The following LMBR1 variants were observed in gnomAD, a reference collection of about 807,000 sequenced individuals.
LMBR1 encodes the protein limb region 1 protein homolog.
A neutral mutation model predicts 73.9 loss-of-function variants in LMBR1; 52 were observed. The observed-to-expected ratio is 0.70, with a 90% CI of 0.56 to 0.89. The LOEUF is 0.89. LMBR1 is among the 40% of genes least tolerant of loss of function. The pLI is 0.00. For synonymous variants in LMBR1, 215 were observed against 209.4 expected, an observed-to-expected ratio of 1.03 and a Z score of -0.23; for missense variants, 539 against 579.8, an observed-to-expected ratio of 0.93 and a Z score of 0.72.
intron 5 of LMBR1, among the ~76,000 whole-genome samples, chr7:156,787,480 C>T (rs2133268635): frequency 6.6e-6 from 1 of 151,634 alleles, no homozygotes; most frequent in South Asian, 2.1e-4. Context: ...GTAAAAAAAA[C>T]TCATGAGGTG....
At chr7:156,744,012 G>C (rs752332061) in intron 9 of LMBR1, among the ~76,000 whole-genome samples, 6 of 152,174 alleles carry the variant, frequency 3.9e-5, no homozygotes, top group Non-Finnish European at 7.3e-5. Flanking sequence ...TCAATATACA[G>C]ATATAAAACG....
chr7:156,699,854 A>G (rs1809234019), intron 15 of LMBR1, among the ~76,000 whole-genome samples: 1 of 152,200 alleles, frequency 6.6e-6, no homozygotes, highest in Non-Finnish European at 1.5e-5. Flanking sequence ...ACAATGAGAC[A>G]CCATCTCACA....
At chr7:156,697,822 G>C (rs986027630) in intron 15 of LMBR1, among the ~76,000 whole-genome samples, 2 of 152,180 alleles carry the variant, frequency 1.3e-5, no homozygotes, top group African/African-American at 2.4e-5. Context: ...TATCACAGTG[G>C]TCCTGAGGTG....
chr7:156,724,300 A>G, intron 14 of LMBR1, 122 bp from the exon 15 acceptor site: 1 of 668,454 alleles, frequency 1.5e-6, no homozygotes, highest in Non-Finnish European at 2.6e-6. Flanking sequence ...CGATTTCTTA[A>G]TGATACTATT....
intron 15 of LMBR1, among the ~76,000 whole-genome samples, chr7:156,689,220 A>G (rs1806629998): frequency 6.6e-6 from 1 of 152,218 alleles, no homozygotes; most frequent in Non-Finnish European, 1.5e-5. Context: ...GTCGGTCAAG[A>G]GACAGATAAT....
At chr7:156,784,237 T>G (rs1381634346) in intron 5 of LMBR1, among the ~76,000 whole-genome samples, 1 of 152,210 alleles carries the variant, frequency 6.6e-6, no homozygotes, top group African/African-American at 2.4e-5. Flanking sequence ...TCTCACGGTG[T>G]TGGCTTTTCT....
intron 5 of LMBR1, among the ~76,000 whole-genome samples, chr7:156,782,595 A>G (rs1008001990): frequency 1.4e-4 from 22 of 152,076 alleles, no homozygotes; most frequent in Non-Finnish European, 3.2e-4. Context: ...TCCAGGCTGG[A>G]GTGCAGTGGT....
At chr7:156,709,736 T>G (rs1811677305) in intron 15 of LMBR1, among the ~76,000 whole-genome samples, 1 of 151,994 alleles carries the variant, frequency 6.6e-6, no homozygotes, top group Non-Finnish European at 1.5e-5. Flanking sequence ...ACCTTCCCAA[T>G]GAACTAGTCT....
At chr7:156,850,713 T>C (rs1376738070) in intron 1 of LMBR1, among the ~76,000 whole-genome samples, 1 of 151,884 alleles carries the variant, frequency 6.6e-6, no homozygotes, top group African/African-American at 2.4e-5. Context: ...TCCTTTCAAA[T>C]ACAATTGTAT....
At chr7:156,694,824 C>T (rs1807948792) in intron 15 of LMBR1, among the ~76,000 whole-genome samples, 1 of 152,096 alleles carries the variant, frequency 6.6e-6, no homozygotes, top group Non-Finnish European at 1.5e-5. Context: ...CTTGTAATAG[C>T]ATCAAAAAGA....
chr7:156,679,308 TAAAAAG>T lies in LMBR1; in HGVS notation c.*4764_*4769del, dbSNP rs952802671. 14 of 152,062 alleles carry T rather than the reference TAAAAAG, an allele frequency of 9.2e-5. No individual in the cohort carries two copies. The highest frequency in any genetic ancestry group is 3.1e-4 in the African/African-American group (13 of 41,450). 9.4% of individuals were successfully genotyped at this position (152,062 alleles called of 1,614,324 possible). A position where few individuals can be genotyped will look rare whatever the true frequency, so the allele number is the denominator to read the frequency against. On this transcript the variant is annotated 3_prime_UTR_variant, in exon 17 of 17. Transcript: ENST00000353442. ...TTTGATGAGATTCCACAGTAAAGAC[TAAAAAG>T]AAAAGAAAAAGTGAATCACTCTTCA...
chr7:156,726,501 A>T (rs1183489956), intron 12 of LMBR1, among the ~76,000 whole-genome samples: 1 of 152,074 alleles, frequency 6.6e-6, no homozygotes, highest in Non-Finnish European at 1.5e-5. Flanking sequence ...TTATAATTAG[A>T]TCTGAAAAAA....
intron 15 of LMBR1, among the ~76,000 whole-genome samples, chr7:156,723,762 A>G (rs1435294513): frequency 6.6e-6 from 1 of 152,136 alleles, no homozygotes; most frequent in African/African-American, 2.4e-5. Context: ...TAAATTATAA[A>G]CGCTCAAAAG....
chr7:156,857,364 C>G (rs1797116160), intron 1 of LMBR1, among the ~76,000 whole-genome samples: 1 of 152,014 alleles, frequency 6.6e-6, no homozygotes, highest in African/African-American at 2.4e-5. Flanking sequence ...GACTTCAGAG[C>G]AAAGAAAATT....
At chr7:156,802,071 C>T (rs1359193360) in intron 4 of LMBR1, among the ~76,000 whole-genome samples, 2 of 152,116 alleles carry the variant, frequency 1.3e-5, no homozygotes, top group Non-Finnish European at 2.9e-5. Flanking sequence ...CAATCTCCGC[C>T]TCCCGGGTTC....
intron 1 of LMBR1, among the ~76,000 whole-genome samples, chr7:156,885,714 TA>T (rs1468818549): frequency 6.6e-6 from 1 of 151,912 alleles, no homozygotes; most frequent in Non-Finnish European, 1.5e-5. Context: ...CTGCCTCTAC[TA>T]AAAATTCAAA....
intron 5 of LMBR1, among the ~76,000 whole-genome samples, chr7:156,790,855 C>T (rs910510582): frequency 5.3e-5 from 8 of 152,184 alleles, no homozygotes; most frequent in African/African-American, 1.9e-4. Flanking sequence ...TTCCCATACG[C>T]CCAGATTTGA....
chr7:156,781,213 C>A (rs1827076791), intron 5 of LMBR1, among the ~76,000 whole-genome samples: 1 of 152,122 alleles, frequency 6.6e-6, no homozygotes, highest in Non-Finnish European at 1.5e-5. Flanking sequence ...TAATAAAAAG[C>A]AATGCCACGT....
At chr7:156,727,157 C>A (rs1166894257) in intron 12 of LMBR1, among the ~76,000 whole-genome samples, 3 of 152,182 alleles carry the variant, frequency 2.0e-5, no homozygotes, top group Non-Finnish European at 4.4e-5. Flanking sequence ...GGTATTACTT[C>A]TTCTCCCCTA....
Sources: gnomAD v4.1 joint callset for allele counts (sites outside exome capture counted in the v4.1 genomes callset) on GRCh38, gnomAD v4.1.1 for gene constraint, MANE v1.5 for transcripts, NCBI Gene and HGNC (gene_info 2026-07-23, HGNC 2026-07-21) for gene names.